The following DUS3L variants were observed in gnomAD, a reference collection of about 807,000 sequenced individuals.
DUS3L encodes the protein tRNA-dihydrouridine(47) synthase [NAD(P)(+)]-like.
A neutral mutation model predicts 74.6 loss-of-function variants in DUS3L; 62 were observed. The observed-to-expected ratio is 0.83, with a 90% CI of 0.68 to 1.03. The LOEUF is 1.03. Ranked by LOEUF, DUS3L falls within the 50% of genes least tolerant of loss-of-function variation. DUS3L has a pLI of 0.00. For synonymous variants in DUS3L, 433 were observed against 395.7 expected, an observed-to-expected ratio of 1.09 and a Z score of -1.12; for missense variants, 884 against 924.4, an observed-to-expected ratio of 0.96 and a Z score of 0.57.
In DUS3L at chr19:5,785,617, C is replaced by T; in HGVS notation, c.1737G>A (p.Leu579=). The change falls in exon 11 of 13, where the codon CTG becomes CTA. Residue 579 remains leucine (L), a synonymous_variant. Coordinates refer to ENST00000309061, the MANE Select transcript of DUS3L (RefSeq NM_020175.3). ...EKTRRFLLEW[L]SFLCRYVPVG... is the part of the protein sequence containing the mutation. The stretch of plus-strand genomic sequence containing the variant: ...CCGGTGCCCACCGGCACAGGAAGGA[C>T]AGCCACTCGAGCAGAAAGCGCCGGG... 6.2e-7 allele frequency: 1 copy of T among 1,607,138 alleles called. No homozygotes were observed. Among genetic ancestry groups the T allele is most frequent in the South Asian group, 1.1e-5 (1 of 90,634 alleles).
chr19:5,787,978 C>G lies in DUS3L; in HGVS notation c.1095+46G>C, dbSNP rs199504866. 4.3e-4 allele frequency: 693 copies of G among 1,600,774 alleles called. 2 individuals are homozygous for G. Among genetic ancestry groups the G allele is most frequent in the Admixed American group, 2.9e-4 (17 of 59,560 alleles). On this transcript the variant is annotated intron_variant, in intron 5 of 12. Coordinates refer to ENST00000309061, the MANE Select transcript of DUS3L (RefSeq NM_020175.3). ...CCTGGAACCTGGCTCTGAGACAGGA[C>G]GGCCGAGGGCCCCTCCACTCTCCCT...
At position 5,790,262 on chromosome 19, in the gene DUS3L, C is replaced by T. The variant is rs1189018419; in HGVS notation, c.172G>A (p.Glu58Lys). The change falls in exon 2 of 13, where the codon GAG becomes AAG. Residue 58 changes from glutamate (E) to lysine (K), a missense_variant. Physicochemically the swap from Glu to Lys is moderately conservative, Grantham distance 56 (BLOSUM62 1). Transcript: ENST00000309061. Reference protein sequence around the residue: ...KGQEKTCRETEVGDPAGNELA... With the variant: ...KGQEKTCRETKVGDPAGNELA... ...TCATTGCCAGCAGGGTCTCCTACCT[C>T]GGTTTCCCGGCAAGTCTTCTCCTGC... 8.7e-6 allele frequency: 14 copies of T among 1,614,060 alleles called. 1 individual carries two copies. The highest frequency in any genetic ancestry group is 6.6e-5 in the South Asian group (6 of 91,096).
chr19:5,788,414 T>C lies in DUS3L; in HGVS notation c.901-16A>G, dbSNP rs767459120. The C allele has an allele frequency of 6.2e-7, 1 of 1,610,758 alleles. No individual in the cohort carries two copies. The highest frequency in any genetic ancestry group is 1.1e-5 in the South Asian group (1 of 90,532). On this transcript the variant is annotated splice_polypyrimidine_tract_variant and intron_variant, in intron 3 of 12. Transcript: ENST00000309061. ...GGATGTCCAGCTGGAGGGAAAAAAA[T>C]ACACACAAGTGGAGCTTGGCCTCCA...
In DUS3L at chr19:5,791,086, C is replaced by G. The variant is rs757677248; in HGVS notation, c.56G>C (p.Gly19Ala). The G allele has an allele frequency of 1.4e-5, 22 of 1,608,930 alleles. No homozygotes were observed. The highest frequency in any genetic ancestry group is 1.4e-5 in the Non-Finnish European group (16 of 1,178,192). Residue 19 changes from glycine (G) to alanine (A), a missense_variant, in exon 1 of 13, where the codon GGA (glycine) becomes GCA (alanine). Coordinates refer to ENST00000309061, the MANE Select transcript of DUS3L (RefSeq NM_020175.3). ...PLENGGGGDS[G>A]AGALERGVAP... ...CACTCCTCGTTCCAAAGCTCCGGCTCCCGAGTCGCCACCACCACCATTCTC... is the reference window on the plus strand; with the variant it reads ...CACTCCTCGTTCCAAAGCTCCGGCTGCCGAGTCGCCACCACCACCATTCTC...
At chr19:5,787,781 C>A (rs2056868631) in intron 5 of DUS3L, 76 bp from the exon 6 acceptor site, 2 of 1,533,154 alleles carry the variant, frequency 1.3e-6, no homozygotes, top group Non-Finnish European at 1.8e-6. Flanking sequence ...TCCCTCCCCA[C>A]TGGGGGGCCC....
chr19:5,788,470 T>C, intron 3 of DUS3L, 72 bp from the exon 4 acceptor site: 1 of 1,544,210 alleles, frequency 6.5e-7, no homozygotes, highest in Non-Finnish European at 8.8e-7. Flanking sequence ...GAGCCTCCCT[T>C]CTACCCACAG....
In DUS3L at chr19:5,786,795, C is replaced by T. The variant is rs752507676; in HGVS notation, c.1440G>A (p.Gln480=). 3 of 1,612,198 alleles carry T rather than the reference C, an allele frequency of 1.9e-6. No individual in the cohort carries two copies. Among genetic ancestry groups the T allele is most frequent in the South Asian group, 2.2e-5 (2 of 90,872 alleles). The part of the protein sequence containing the change: ...EQRYTKLADW[Q]YIEECVQAAS... ...CGGCCTGCACGCACTCCTCGATGTA[C>T]TGCCAGTCGGCTAGCTTGGTGTAGC... The change falls in exon 9 of 13, where the codon CAG becomes CAA. Residue 480 remains glutamine (Q), a synonymous_variant. Transcript: ENST00000309061.
Position 5,788,066 on chromosome 19 carries a change from G to C in DUS3L, c.1053C>G (p.Ala351=). ...NLLQGQMSEW[A]LLKRHQCEDI... Reference sequence around the variant, plus strand: ...CCTCACACTGGTGGCGTTTGAGTAGGGCCCACTCGGACATCTGGCCCTGCA... The same window carrying C: ...CCTCACACTGGTGGCGTTTGAGTAGCGCCCACTCGGACATCTGGCCCTGCA... The change falls in exon 5 of 13, where the codon GCC becomes GCG. Residue 351 remains alanine, a synonymous_variant. Coordinates refer to ENST00000309061, the MANE Select transcript of DUS3L (RefSeq NM_020175.3). 1 of 1,613,704 alleles carries C rather than the reference G, an allele frequency of 6.2e-7. No homozygotes were observed. Among genetic ancestry groups the C allele is most frequent in the Non-Finnish European group, 8.5e-7 (1 of 1,180,014 alleles).
At chr19:5,786,007 T>C (rs1486489227) in intron 10 of DUS3L, 3 of 570,044 alleles carry the variant, frequency 5.3e-6, no homozygotes, top group Non-Finnish European at 9.0e-6. Context: ...TGGGGTGCAG[T>C]GGTAAGATCT....
Position 5,785,163 on chromosome 19 carries a change from T to C in DUS3L, c.*40A>G. The C allele has an allele frequency of 1.9e-6, 3 of 1,560,736 alleles. No homozygotes were observed. Among genetic ancestry groups the C allele is most frequent in the Non-Finnish European group, 2.6e-6 (3 of 1,151,770 alleles). ...GATTTTAAAAGAATAAAATTTATTG[T>C]ACTCTCCTCGCCCCAGGGTGCCCCT... On this transcript the variant is annotated 3_prime_UTR_variant, in exon 13 of 13. Coordinates refer to ENST00000309061, the MANE Select transcript of DUS3L (RefSeq NM_020175.3).
In DUS3L at chr19:5,787,578, A is replaced by G. The variant is rs1219606839; in HGVS notation, c.1212+11T>C. The G allele has an allele frequency of 6.2e-7, 1 of 1,612,350 alleles. No individual in the cohort carries two copies. Among genetic ancestry groups the G allele is most frequent in the East Asian group, 2.2e-5 (1 of 44,850 alleles). ...GATGGGGAAACCGAGGCACACGTCC[A>G]GGGCCGCTACCTTCTTGTACACGAG... is the stretch of plus-strand genomic sequence containing the variant. On this transcript the variant is annotated intron_variant, in intron 6 of 12. Transcript: ENST00000309061.
At chr19:5,787,433 G>C in intron 6 of DUS3L, 72 bp from the exon 7 acceptor site, 1 of 1,565,978 alleles carries the variant, frequency 6.4e-7, no homozygotes, top group Non-Finnish European at 8.7e-7. Flanking sequence ...CTGCTGCCCG[G>C]AGGCCCCCAC....
At chr19:5,788,333 C>T (rs1318189402) in intron 4 of DUS3L, 24 bp downstream of exon 4, 8 of 1,613,654 alleles carry the variant, frequency 5.0e-6, no homozygotes, top group East Asian at 2.2e-5. Context: ...TGCCACCCGA[C>T]CAGCCACCTG....
intron 3 of DUS3L, 133 bp downstream of exon 3, chr19:5,789,074 C>T: frequency 2.3e-6 from 3 of 1,322,754 alleles, no homozygotes; most frequent in South Asian, 1.6e-5. Flanking sequence ...GAGGGAGACT[C>T]AGCCAGGAGC....
chr19:5,790,424 T>A (rs1017611204), intron 1 of DUS3L, 89 bp from the exon 2 acceptor site: 3 of 1,509,844 alleles, frequency 2.0e-6, no homozygotes, highest in Non-Finnish European at 2.7e-6. Context: ...CGTCCTTAAA[T>A]CCTTCTGCTG....
At chr19:5,788,218 C>T in intron 4 of DUS3L, 42 bp from the exon 5 acceptor site, 2 of 1,055,538 alleles carry the variant, frequency 1.9e-6, no homozygotes. Context: ...CTTGCACGCG[C>T]ACACACACAC....
rs779318480 is a variant in DUS3L at position 5,789,724 on chromosome 19, G to A, written c.388-5C>T. On this transcript the variant is annotated splice_region_variant and splice_polypyrimidine_tract_variant and intron_variant, in intron 2 of 12. Coordinates refer to ENST00000309061, the MANE Select transcript of DUS3L (RefSeq NM_020175.3). ...GAAACACTTAGCAGCCGACTCCTGC[G>A]AGGAAACAGGGAAGCAGTGAGGGAG... 3.1e-6 allele frequency: 5 copies of A among 1,595,128 alleles called. No individual in the cohort carries two copies. Among genetic ancestry groups the A allele is most frequent in the South Asian group, 2.3e-5 (2 of 88,278 alleles).
In DUS3L at chr19:5,785,409, C is replaced by G. The variant is rs1209726657; in HGVS notation, c.1854G>C (p.Gln618His). The change falls in exon 12 of 13, where the codon CAG becomes CAC. Residue 618 changes from glutamine (Q) to histidine (H), a missense_variant. Gln to His is a conservative substitution (Grantham distance 24). Transcript: ENST00000309061. ...TGATGCGGATCCAGTCGGCTGCCTT[C>G]TGGCTGGCCATCAGCGTCTCCAGGT... is the stretch of plus-strand genomic sequence containing the variant. ...RDYLETLMAS[Q>H]KAADWIRISE... The G allele has an allele frequency of 6.3e-7, 1 of 1,595,452 alleles. No individual in the cohort carries two copies. The highest frequency in any genetic ancestry group is 8.5e-7 in the Non-Finnish European group (1 of 1,170,470).
At chr19:5,788,321 C>G (rs2056875320) in intron 4 of DUS3L, 36 bp downstream of exon 4, 1 of 1,613,238 alleles carries the variant, frequency 6.2e-7, no homozygotes, top group Admixed American at 1.7e-5. Context: ...ACACTGCCAC[C>G]CTGCCACCCG....
Sources: allele counts gnomAD v4.1 joint callset, GRCh38; gene constraint gnomAD v4.1.1; transcripts MANE v1.5; gene names NCBI Gene and HGNC (gene_info 2026-07-23, HGNC 2026-07-21).